The following AZIN1 variants were observed in gnomAD, a reference collection of about 807,000 sequenced individuals.
AZIN1 encodes antizyme inhibitor 1.
A neutral mutation model predicts 47.4 loss-of-function variants in AZIN1; 12 were observed. That is an observed-to-expected ratio of 0.25 (90% CI 0.16 to 0.41). The LOEUF (loss-of-function observed/expected upper bound fraction) is 0.41. AZIN1 is among the 10% of genes least tolerant of loss of function. The pLI is 1.00. For synonymous variants in AZIN1, 155 were observed against 176.3 expected (o/e 0.88, Z 0.96); for missense variants, 410 against 532.4 (o/e 0.77, Z 2.26).
intron 2 of AZIN1, chr8:102,855,553 A>G (rs903234465): frequency 1.3e-5 from 2 of 152,244 alleles, no homozygotes; most frequent in African/African-American, 4.8e-5. Flanking sequence ...AGTTTATTCC[A>G]TCAAAATTCA....
Position 102,847,918 on chromosome 8 carries a change from C to A in AZIN1, c.-95-4171G>T, listed in dbSNP as rs75229242. On this transcript the variant is annotated intron_variant, in intron 2 of 11. Coordinates refer to ENST00000337198, the MANE Select transcript of AZIN1 (RefSeq NM_148174.4). ...CTCTTTCACATTCTTAAAAGAAGCC[C>A]GTAACTTTGATATGCAAGCAATCCA... Among the ~76,000 whole-genome samples, 2,071 of 152,210 alleles carry A rather than the reference C, an allele frequency of 0.014. 113 individuals carry two copies. In the East Asian group the frequency reaches 0.2, roughly 15 times the overall value.
chr8:102,827,054 C>T lies in AZIN1; in HGVS notation c.*1513G>A, dbSNP rs1035886578. On this transcript the variant is annotated 3_prime_UTR_variant, in exon 12 of 12. Transcript: ENST00000337198. ...ATTCATGATCAATTTCTTTCCACCT[C>T]GAAATCAAGGTGTAAAAACCAGCTA... is the stretch of plus-strand genomic sequence containing the variant. 6.6e-6 allele frequency: 1 copy of T among 152,574 alleles called. No homozygotes were observed. The highest frequency in any genetic ancestry group is 2.4e-5 in the African/African-American group (1 of 41,424). 9.5% of individuals were successfully genotyped at this position (152,574 alleles called of 1,614,324 possible).
chr8:102,829,528 C>G (rs375840232), intron 10 of AZIN1, 42 bp from the exon 11 acceptor site: 5 of 1,502,806 alleles, frequency 3.3e-6, no homozygotes, highest in Middle Eastern at 3.5e-4. Context: ...CTCATACTTA[C>G]GCAGGTATTG....
rs1586155264 is a variant in AZIN1 at position 102,832,104 on chromosome 8, C to T, written c.904+952G>A. Among the ~76,000 whole-genome samples the T allele has an allele frequency of 2.0e-5, 3 of 152,234 alleles. No individual in the cohort carries two copies. The South Asian group carries it at 6.2e-4, about 32-fold the overall frequency. On this transcript the variant is annotated intron_variant, in intron 9 of 11. Transcript: ENST00000337198. The stretch of plus-strand genomic sequence containing the variant: ...TGAGGAATCATCCAACAAACCCAAA[C>T]TAAGGATCAGCTATGAAATTTCTAC...
At chr8:102,828,717 C>T in intron 11 of AZIN1, 39 bp from the exon 12 acceptor site, 2 of 1,334,802 alleles carry the variant, frequency 1.5e-6, no homozygotes, top group Non-Finnish European at 2.1e-6. Flanking sequence ...TCAGTTTAAG[C>T]CCAAAGACCA....
At chr8:102,855,760 C>T (rs1813243873) in intron 2 of AZIN1, 1 of 152,154 alleles carries the variant, frequency 6.6e-6, no homozygotes, top group South Asian at 2.1e-4. Context: ...AGAAAATTAA[C>T]CCCAGGATTT....
At position 102,828,465 on chromosome 8, in the gene AZIN1, G is replaced by T. The variant is rs1811225604; in HGVS notation, c.*102C>A. 4 of 755,854 alleles carry T rather than the reference G, an allele frequency of 5.3e-6. No homozygotes were observed. The highest frequency in any genetic ancestry group is 3.2e-5 in the Admixed American group (1 of 31,294). 46.8% of individuals were successfully genotyped at this position (755,854 alleles called of 1,614,324 possible). ...TTACTAATAGTTTTTGTTGCCAAAA[G>T]AATTAAGAGAATAAGATTGTTTAAA... On this transcript the variant is annotated 3_prime_UTR_variant, in exon 12 of 12. Transcript: ENST00000337198.
In AZIN1 at chr8:102,827,872, T is replaced by C. The variant is rs373717405; in HGVS notation, c.*695A>G. 2.0e-4 allele frequency: 31 copies of C among 152,398 alleles called. No individual in the cohort carries two copies. The highest frequency in any genetic ancestry group is 1.7e-3 in the East Asian group (9 of 5,186). The allele number at this position is 152,398 out of a possible 1,614,324, so 9.4% of individuals were successfully genotyped here. On this transcript the variant is annotated 3_prime_UTR_variant, in exon 12 of 12. Transcript: ENST00000337198. ...AATTACTAATTAAATAAATGAAAAATGCACCGAGCCAAACAAAACTTAACT... is the reference window on the plus strand; with the variant it reads ...AATTACTAATTAAATAAATGAAAAACGCACCGAGCCAAACAAAACTTAACT...
At position 102,828,539 on chromosome 8, in the gene AZIN1, T is replaced by G; in HGVS notation, c.*28A>C. The G allele has an allele frequency of 6.8e-7, 1 of 1,461,380 alleles. No individual in the cohort carries two copies. The highest frequency in any genetic ancestry group is 1.2e-5 in the South Asian group (1 of 84,106). 90.5% of individuals were successfully genotyped at this position (1,461,380 alleles called of 1,614,324 possible). On this transcript the variant is annotated 3_prime_UTR_variant, in exon 12 of 12. Transcript: ENST00000337198. Reference sequence around the variant, plus strand: ...GACCAGACAAGCTTAACCTGCAACTTCAGATCTAAAGAAGCGTTAATGCCT... The same window carrying G: ...GACCAGACAAGCTTAACCTGCAACTGCAGATCTAAAGAAGCGTTAATGCCT...
chr8:102,842,632 G>T (rs1812276417), intron 3 of AZIN1, among the ~76,000 whole-genome samples: 1 of 151,386 alleles, frequency 6.6e-6, no homozygotes, highest in Non-Finnish European at 1.5e-5. Context: ...GCTTGAACCT[G>T]GGAGGCGGAG....
intron 3 of AZIN1, among the ~76,000 whole-genome samples, chr8:102,841,175 G>A (rs1812153718): frequency 6.6e-6 from 1 of 152,144 alleles, no homozygotes; most frequent in Non-Finnish European, 1.5e-5. Context: ...AAGTTAGGAG[G>A]TCACTATAAT....
rs567746500 is a variant in AZIN1 at position 102,827,948 on chromosome 8, C to G, written c.*619G>C. ...AAACAGTCCATATACACATCTATTT[C>G]AAAACTACCTTTGCTAGCTAGCCCC... On this transcript the variant is annotated 3_prime_UTR_variant, in exon 12 of 12. Coordinates refer to ENST00000337198, the MANE Select transcript of AZIN1 (RefSeq NM_148174.4). The G allele has an allele frequency of 1.3e-5, 2 of 152,646 alleles. No homozygotes were observed. Among genetic ancestry groups the G allele is most frequent in the South Asian group, 2.1e-4 (1 of 4,820 alleles). 9.5% of individuals were successfully genotyped at this position (152,646 alleles called of 1,614,324 possible). A position where few individuals can be genotyped will look rare whatever the true frequency, so the allele number is the denominator to read the frequency against.
intron 1 of AZIN1, among the ~76,000 whole-genome samples, chr8:102,860,484 C>T (rs973669271): frequency 2.0e-5 from 3 of 152,026 alleles, no homozygotes; most frequent in Admixed American, 6.6e-5. Flanking sequence ...AGGCTGGTCT[C>T]GAACTCCTGA....
chr8:102,839,155 T>A (rs1812016311), intron 4 of AZIN1, among the ~76,000 whole-genome samples: 1 of 152,184 alleles, frequency 6.6e-6, no homozygotes, highest in South Asian at 2.1e-4. Flanking sequence ...TCACTGTGCC[T>A]AGCCAAACCA....
chr8:102,861,016 G>A (rs1051761128), intron 1 of AZIN1, among the ~76,000 whole-genome samples: 1 of 116,150 alleles, frequency 8.6e-6, no homozygotes, highest in Non-Finnish European at 1.8e-5. Context: ...CTTGGATTCT[G>A]GAACAGAAAA....
At chr8:102,855,490 A>C (rs2131276065) in intron 2 of AZIN1, 1 of 152,370 alleles carries the variant, frequency 6.6e-6, no homozygotes, top group East Asian at 1.9e-4. Context: ...CACACATTCT[A>C]AATTATGAAA....
intron 9 of AZIN1, among the ~76,000 whole-genome samples, chr8:102,830,901 T>C (rs761210301): frequency 6.6e-6 from 1 of 152,202 alleles, no homozygotes; most frequent in East Asian, 1.9e-4. Flanking sequence ...TACAGTGCAG[T>C]AGCGTGATCA....
At chr8:102,832,942 T>C in intron 9 of AZIN1, 114 bp downstream of exon 9, 1 of 966,754 alleles carries the variant, frequency 1.0e-6, no homozygotes, top group Non-Finnish European at 1.5e-6. Flanking sequence ...GCCCGGCCAG[T>C]TTTAAGATTT....
At chr8:102,835,311 G>A (rs543169275) in intron 6 of AZIN1, 1 of 152,482 alleles carries the variant, frequency 6.6e-6, no homozygotes, top group African/African-American at 2.4e-5. Flanking sequence ...TACCCGTAAA[G>A]TCCATTCTTC....
Sources: gnomAD v4.1 joint callset for allele counts (sites outside exome capture counted in the v4.1 genomes callset) on GRCh38, gnomAD v4.1.1 for gene constraint, MANE v1.5 for transcripts, NCBI Gene and HGNC (gene_info 2026-07-23, HGNC 2026-07-21) for gene names.